The following LMO1 variants were observed in gnomAD, a reference collection of about 807,000 sequenced individuals.
LMO1 encodes LIM domain only 1.
LMO1 carries 10 observed loss-of-function variants against 18.0 expected under a neutral mutation model. That is an observed-to-expected ratio of 0.55 (90% CI 0.34 to 0.94). LMO1 has a LOEUF of 0.94. LMO1 is among the 40% of genes least tolerant of loss of function. LMO1 has a pLI of 0.02. For missense variants in LMO1, 183 were observed against 205.7 expected, an observed-to-expected ratio of 0.89 and a Z score of 0.68; for synonymous variants, 77 against 77.9, an observed-to-expected ratio of 0.99 and a Z score of 0.06.
At chr11:8,232,435 G>A (rs1952681806) in intron 1 of LMO1, among the ~76,000 whole-genome samples, 3 of 152,302 alleles carry the variant, frequency 2.0e-5, no homozygotes, top group Admixed American at 2.0e-4. Flanking sequence ...CTGGCCTACA[G>A]GGAGGTGTGG....
intron 1 of LMO1, among the ~76,000 whole-genome samples, chr11:8,251,960 TTGTG>T (rs1468720074): frequency 7.2e-6 from 1 of 138,654 alleles, no homozygotes; most frequent in Admixed American, 7.2e-5. Flanking sequence ...GAGTGTGTGT[TTGTG>T]TGTGGGGGTG....
intron 1 of LMO1, among the ~76,000 whole-genome samples, chr11:8,262,650 T>A (rs1049592923): frequency 6.6e-6 from 1 of 152,296 alleles, no homozygotes; most frequent in African/African-American, 2.4e-5. Context: ...GCACAAGTGC[T>A]ACCGGCCGGC....
At chr11:8,255,920 G>C (rs1757750530) in intron 1 of LMO1, among the ~76,000 whole-genome samples, 1 of 137,226 alleles carries the variant, frequency 7.3e-6, no homozygotes, top group South Asian at 2.4e-4. Context: ...CCACCTCCTG[G>C]GTTCACGCCA....
intron 1 of LMO1, among the ~76,000 whole-genome samples, chr11:8,255,754 C>T (rs1847080221): frequency 6.8e-6 from 1 of 148,146 alleles, no homozygotes; most frequent in Non-Finnish European, 1.5e-5. Context: ...TAAGGCTCTA[C>T]ATTTTAGGGT....
chr11:8,234,636 G>A lies in LMO1; in HGVS notation c.26-4132C>T, dbSNP rs543135828. Reference sequence around the variant, plus strand: ...TCCAGGTCACTCCAGGCTCTTCCCCGTGGCTCCCCTGCTGGAAGCCACTGT... The same window carrying A: ...TCCAGGTCACTCCAGGCTCTTCCCCATGGCTCCCCTGCTGGAAGCCACTGT... On this transcript the variant is annotated intron_variant, in intron 1 of 3. Coordinates refer to ENST00000335790, the MANE Select transcript of LMO1 (RefSeq NM_002315.3). 6.6e-4 allele frequency among the ~76,000 whole-genome samples: 100 copies of A among 152,162 alleles called. 1 individual carries two copies. Among genetic ancestry groups the A allele is most frequent in the African/African-American group, 2.3e-3 (94 of 41,532 alleles).
intron 1 of LMO1, among the ~76,000 whole-genome samples, chr11:8,256,637 C>G (rs1408214882): frequency 6.6e-6 from 1 of 152,246 alleles, no homozygotes; most frequent in Non-Finnish European, 1.5e-5. Flanking sequence ...AACGAACACA[C>G]TCCCACCAGT....
At chr11:8,230,538 G>A (rs777843912) in intron 1 of LMO1, 34 bp from the exon 2 acceptor site, 1 of 1,591,120 alleles carries the variant, frequency 6.3e-7, no homozygotes, top group East Asian at 2.2e-5. Flanking sequence ...AACGCAGGAT[G>A]GGCCCCGTAG....
intron 1 of LMO1, among the ~76,000 whole-genome samples, chr11:8,233,031 C>T (rs1952697515): frequency 6.6e-6 from 1 of 152,236 alleles, no homozygotes; most frequent in African/African-American, 2.4e-5. Context: ...AAGCTGCCAG[C>T]CGCCGCAGGT....
At chr11:8,244,475 A>G (rs1284141445) in intron 1 of LMO1, among the ~76,000 whole-genome samples, 1 of 152,382 alleles carries the variant, frequency 6.6e-6, no homozygotes, top group East Asian at 1.9e-4. Flanking sequence ...TGTCTTTTTC[A>G]GTATAAATGA....
intron 1 of LMO1, among the ~76,000 whole-genome samples, chr11:8,242,702 A>G (rs919013502): frequency 3.3e-5 from 5 of 152,176 alleles, no homozygotes; most frequent in African/African-American, 1.2e-4. Context: ...GCACCCGCAA[A>G]GCCCGCGTCA....
intron 1 of LMO1, among the ~76,000 whole-genome samples, chr11:8,255,511 A>C (rs371277130): frequency 5.9e-5 from 9 of 152,272 alleles, no homozygotes; most frequent in Admixed American, 1.3e-4. Flanking sequence ...AAAAAAGAGA[A>C]GGCTTTTGTG....
upstream of LMO1, chr11:8,268,454 C>T (rs1847283587): frequency 3.4e-6 from 5 of 1,456,444 alleles, no homozygotes; most frequent in Non-Finnish European, 4.5e-6. Context: ...ACCATGGTCC[C>T]GACGGCTCCA....
At chr11:8,247,190 G>C (rs1212131977) in intron 1 of LMO1, among the ~76,000 whole-genome samples, 1 of 152,164 alleles carries the variant, frequency 6.6e-6, no homozygotes, top group East Asian at 1.9e-4. Flanking sequence ...CCTTGAGCTT[G>C]TCCTACCTTG....
intron 1 of LMO1, among the ~76,000 whole-genome samples, chr11:8,249,030 G>T (rs1846942777): frequency 6.6e-6 from 1 of 152,226 alleles, no homozygotes; most frequent in Non-Finnish European, 1.5e-5. Flanking sequence ...AGGGGCTCTG[G>T]TCTACCTTCC....
rs1952494872 is a variant in LMO1, at chr11:8,224,422, G to A, written c.*194C>T. 4 of 595,060 alleles carry A rather than the reference G, an allele frequency of 6.7e-6. No individual in the cohort carries two copies. Among genetic ancestry groups the A allele is most frequent in the Middle Eastern group, 4.4e-4 (1 of 2,266 alleles). The allele number at this position is 595,060 out of a possible 1,614,324, so 36.9% of individuals were successfully genotyped here. A position where few individuals can be genotyped will look rare whatever the true frequency, so the allele number is the denominator to read the frequency against. ...AGACAGACTGTACAGGCCCGGCCTGGCCCCAGGAGGGGTCACACACAGACG... is the reference window on the plus strand; with the variant it reads ...AGACAGACTGTACAGGCCCGGCCTGACCCCAGGAGGGGTCACACACAGACG... On this transcript the variant is annotated 3_prime_UTR_variant, in exon 4 of 4. Coordinates refer to ENST00000335790, the MANE Select transcript of LMO1 (RefSeq NM_002315.3).
At chr11:8,268,571 G>A, upstream of LMO1, 3 of 744,002 alleles carry the variant, frequency 4.0e-6, no homozygotes, top group Non-Finnish European at 5.5e-6. Flanking sequence ...CCGGAGAGCC[G>A]CGACCGCCGA....
At chr11:8,261,512 T>C (rs1847185966) in intron 1 of LMO1, among the ~76,000 whole-genome samples, 1 of 152,218 alleles carries the variant, frequency 6.6e-6, no homozygotes, top group Non-Finnish European at 1.5e-5. Context: ...CCAATCTCCC[T>C]GGCCTGAGGC....
chr11:8,268,651 G>A (rs1009376651), upstream of LMO1: 5 of 325,690 alleles, frequency 1.5e-5, no homozygotes, highest in African/African-American at 1.1e-4. Context: ...GGACTGGGGG[G>A]AAGGCGCGGG....
In LMO1 at chr11:8,224,991, C is replaced by G. The variant is rs1409746310; in HGVS notation, c.366-270G>C. Among the ~76,000 whole-genome samples the G allele has an allele frequency of 8.5e-5, 13 of 152,208 alleles. No individual in the cohort carries two copies. The East Asian group carries it at 2.5e-3, about 29-fold the overall frequency. ...GGGCCACAGGCTTCCATAGTCAGGT[C>G]TCCTGTGTTGGTGAGTGTAGGGTTA... On this transcript the variant is annotated intron_variant, in intron 3 of 3. Coordinates refer to ENST00000335790, the MANE Select transcript of LMO1 (RefSeq NM_002315.3).
Sources: gnomAD v4.1 joint callset for allele counts (sites outside exome capture counted in the v4.1 genomes callset) on GRCh38, gnomAD v4.1.1 for gene constraint, MANE v1.5 for transcripts, NCBI Gene and HGNC (gene_info 2026-07-23, HGNC 2026-07-21) for gene names.